The following GNB2 variants were observed in gnomAD, a reference collection of about 807,000 sequenced individuals.
GNB2 encodes the protein G protein subunit beta 2.
Under a neutral mutation model 40.7 loss-of-function variants are expected in GNB2, and 7 were observed. The ratio of observed to expected loss-of-function variants is 0.17; its 90% CI spans 0.10 to 0.32. GNB2 has a LOEUF of 0.32. Ranked by LOEUF, GNB2 falls within the 10% of genes least tolerant of loss-of-function variation. GNB2 has a pLI of 1.00. For synonymous variants in GNB2, 254 were observed against 191.2 expected (o/e 1.33, Z -2.71); for missense variants, 286 against 473.0 (o/e 0.60, Z 3.67).
chr7:100,673,815 GCGCCGCCGCCGCCGCCGCCGCCGC>G lies in GNB2; in HGVS notation c.-184_-161del, dbSNP rs374292503. ...CTGGGGCCACTGAGGAAATCCATCC[GCGCCGCCGCCGCCGCCGCCGCCGC>G]CGCCGCCGCCGCCTCCGCCGCGGAG... On this transcript the variant is annotated 5_prime_UTR_variant, in exon 1 of 10. Transcript: ENST00000303210. 77 of 178,344 alleles carry G rather than the reference GCGCCGCCGCCGCCGCCGCCGCCGC, an allele frequency of 4.3e-4. No individual in the cohort carries two copies. The highest frequency in any genetic ancestry group is 1.5e-3 in the African/African-American group (59 of 39,900). 11.0% of individuals were successfully genotyped at this position (178,344 alleles called of 1,614,324 possible). A position where few individuals can be genotyped will look rare whatever the true frequency, so the allele number is the denominator to read the frequency against.
chr7:100,678,137 T>C lies in GNB2; in HGVS notation c.537T>C (p.Gly179=), dbSNP rs1804399218. The change falls in exon 8 of 10, where the codon GGT becomes GGC. Residue 179 remains glycine, a synonymous_variant. Coordinates refer to ENST00000303210, the MANE Select transcript of GNB2 (RefSeq NM_005273.4). ...TTGAGACAGGCCAGCAGACAGTGGG[T>C]TTTGCTGGACACAGTGGGGATGTGA... ...WDIETGQQTV[G]FAGHSGDVMS... 1 of 1,613,692 alleles carries C rather than the reference T, an allele frequency of 6.2e-7. No homozygotes were observed. The highest frequency in any genetic ancestry group is 1.3e-5 in the African/African-American group (1 of 74,896).
chr7:100,677,695 G>A, intron 6 of GNB2, 35 bp downstream of exon 6: 1 of 1,613,144 alleles, frequency 6.2e-7, no homozygotes, highest in Middle Eastern at 1.6e-4. Context: ...CCCTTTTTGG[G>A]GTTGGGGGGT....
chr7:100,674,465 A>G lies in GNB2; in HGVS notation c.-90+542A>G, dbSNP rs115727249. On this transcript the variant is annotated intron_variant, in intron 1 of 9. Transcript: ENST00000303210. ...CCGAAACTGGAGCCCTCGGCGCCCT[A>G]TTCCCTTTACAGATCCTCACCCCAA... Among the ~76,000 whole-genome samples, 603 of 151,340 alleles carry G rather than the reference A, an allele frequency of 4.0e-3. 8 individuals are homozygous for G. Among genetic ancestry groups the G allele is most frequent in the African/African-American group, 0.014 (579 of 41,166 alleles).
In GNB2 at chr7:100,679,046, A is replaced by C; in HGVS notation, c.*245A>C. On this transcript the variant is annotated 3_prime_UTR_variant, in exon 10 of 10. Transcript: ENST00000303210. The stretch of plus-strand genomic sequence containing the variant: ...TCTGCTGCCCTGGGGTTGGGGCCTC[A>C]CCCCTCTGGAGGGCCGGAGGCAGGA... The C allele has an allele frequency of 4.0e-6, 2 of 501,242 alleles. No homozygotes were observed. Among genetic ancestry groups the C allele is most frequent in the South Asian group, 3.5e-5 (1 of 28,404 alleles). 31.0% of individuals were successfully genotyped at this position (501,242 alleles called of 1,614,324 possible).
chr7:100,678,687 C>A lies in GNB2; in HGVS notation c.917-8C>A, dbSNP rs371780069. The stretch of plus-strand genomic sequence containing the variant: ...CCCAATGGGTTCTGACTTCTCTCTT[C>A]TTCACAGGAGTCCTCGCTGGCCACG... On this transcript the variant is annotated splice_polypyrimidine_tract_variant and splice_region_variant and intron_variant, in intron 9 of 9. Transcript: ENST00000303210. The A allele has an allele frequency of 7.9e-5, 128 of 1,611,994 alleles. No homozygotes were observed. Among genetic ancestry groups the A allele is most frequent in the Non-Finnish European group, 1.1e-4 (124 of 1,178,922 alleles).
At chr7:100,676,400 TGGGGGAA>T in intron 2 of GNB2, 78 bp downstream of exon 2, 1 of 1,249,006 alleles carries the variant, frequency 8.0e-7, no homozygotes, top group South Asian at 1.2e-5. Flanking sequence ...AGGGTGTTGG[TGGGGGAA>T]GGGGGAGGGA....
intron 4 of GNB2, 198 bp downstream of exon 4, chr7:100,676,997 G>C (rs1804364407): frequency 6.7e-6 from 4 of 598,066 alleles, no homozygotes; most frequent in Middle Eastern, 4.4e-4. Context: ...GCTGGAGACT[G>C]TCTCTCAGGT....
In GNB2 at chr7:100,678,861, C is replaced by T; in HGVS notation, c.*60C>T. On this transcript the variant is annotated 3_prime_UTR_variant, in exon 10 of 10. Coordinates refer to ENST00000303210, the MANE Select transcript of GNB2 (RefSeq NM_005273.4). ...GCCCTGCCCATGCCCACACTACAGG[C>T]CAGGGCTGCGGGGCTGGCGCAATCC... 7.6e-7 allele frequency: 1 copy of T among 1,320,278 alleles called. No homozygotes were observed. The highest frequency in any genetic ancestry group is 2.3e-5 in the East Asian group (1 of 43,020). The allele number at this position is 1,320,278 out of a possible 1,614,324, so 81.8% of individuals were successfully genotyped here.
Position 100,678,711 on chromosome 7 carries a change from C to T in GNB2, c.933C>T (p.His311=), listed in dbSNP as rs755263504. The T allele has an allele frequency of 1.1e-5, 18 of 1,613,520 alleles. No individual in the cohort carries two copies. Among genetic ancestry groups the T allele is most frequent in the East Asian group, 6.7e-5 (3 of 44,886 alleles). The change falls in exon 10 of 10, where the codon CAC becomes CAT. Residue 311 remains histidine (H), a synonymous_variant. Coordinates refer to ENST00000303210, the MANE Select transcript of GNB2 (RefSeq NM_005273.4). ...TCTTCACAGGAGTCCTCGCTGGCCA[C>T]GACAACCGCGTGAGCTGCCTCGGGG... ...KGDRAGVLAG[H]DNRVSCLGVT... is the part of the protein sequence containing the mutation.
Position 100,676,519 on chromosome 7 carries a change from C to T in GNB2, c.58-16C>T. 2 of 1,605,138 alleles carry T rather than the reference C, an allele frequency of 1.2e-6. No individual in the cohort carries two copies. Among genetic ancestry groups the T allele is most frequent in the Non-Finnish European group, 1.7e-6 (2 of 1,171,854 alleles). On this transcript the variant is annotated splice_polypyrimidine_tract_variant and intron_variant, in intron 2 of 9. Coordinates refer to ENST00000303210, the MANE Select transcript of GNB2 (RefSeq NM_005273.4). ...TGTCTTCTCTCGCGTCTCTCTGGCTCTGCCATCCCTTACAGGATGCCCGAA... is the reference window on the plus strand; with the variant it reads ...TGTCTTCTCTCGCGTCTCTCTGGCTTTGCCATCCCTTACAGGATGCCCGAA...
In GNB2 at chr7:100,677,609, A is replaced by G; in HGVS notation, c.379A>G (p.Lys127Glu). The G allele has an allele frequency of 6.2e-7, 1 of 1,613,422 alleles. No individual in the cohort carries two copies. ...CAACATCTGCTCCATCTACAGCCTC[A>G]AGACCCGCGAGGGCAACGTCAGGGT... is the stretch of plus-strand genomic sequence containing the variant. The part of the protein sequence containing the change: ...LDNICSIYSL[K>E]TREGNVRVSR... Residue 127 changes from lysine to glutamate, a missense_variant, in exon 6 of 10, where the codon AAG becomes GAG. Coordinates refer to ENST00000303210, the MANE Select transcript of GNB2 (RefSeq NM_005273.4).
rs1449073143 is a variant in GNB2 at position 100,677,579 on chromosome 7, T to C, written c.349T>C (p.Leu117=). The change falls in exon 6 of 10, where the codon TTG becomes CTG. Residue 117 remains leucine (L), a synonymous_variant. Coordinates refer to ENST00000303210, the MANE Select transcript of GNB2 (RefSeq NM_005273.4). ...PSGNFVACGG[L]DNICSIYSLK... ...AGGGAACTTTGTGGCCTGTGGGGGG[T>C]TGGACAACATCTGCTCCATCTACAG... The C allele has an allele frequency of 3.1e-6, 5 of 1,613,006 alleles. No homozygotes were observed. Among genetic ancestry groups the C allele is most frequent in the South Asian group, 1.1e-5 (1 of 91,072 alleles).
At chr7:100,676,138 C>T (rs1804341428) in intron 1 of GNB2, 39 bp from the exon 2 acceptor site, 3 of 574,268 alleles carry the variant, frequency 5.2e-6, no homozygotes, top group South Asian at 2.2e-5. Context: ...CCCACTTCCC[C>T]GGCGGCCTCG....
In GNB2 at chr7:100,678,445, G is replaced by A. The variant is rs201168795; in HGVS notation, c.747G>A (p.Thr249=). ...YAFTTGSDDA[T]CRLFDLRADQ... Reference sequence around the variant, plus strand: ...TCACCACCGGCTCTGACGACGCCACGTGCCGCCTCTTCGACCTGCGGGCCG... The same window carrying A: ...TCACCACCGGCTCTGACGACGCCACATGCCGCCTCTTCGACCTGCGGGCCG... Residue 249 remains threonine, a synonymous_variant, in exon 9 of 10, where the codon ACG becomes ACA. Transcript: ENST00000303210. 9 of 1,613,702 alleles carry A rather than the reference G, an allele frequency of 5.6e-6. No homozygotes were observed. Among genetic ancestry groups the A allele is most frequent in the Non-Finnish European group, 6.8e-6 (8 of 1,180,008 alleles).
intron 7 of GNB2, 125 bp from the exon 8 acceptor site, chr7:100,677,973 A>G: frequency 9.9e-7 from 1 of 1,012,434 alleles, no homozygotes. Flanking sequence ...TCCCCACCTA[A>G]GGCTCTGAGA....
At position 100,678,634 on chromosome 7, in the gene GNB2, C is replaced by T. The variant is rs756013914; in HGVS notation, c.916+20C>T. On this transcript the variant is annotated intron_variant, in intron 9 of 9. Coordinates refer to ENST00000303210, the MANE Select transcript of GNB2 (RefSeq NM_005273.4). Reference sequence around the variant, plus strand: ...GTGCAGGTGACAGCTGGGGCCCAGGCTGGGTGGGCAGGGACCTGGAGCCCA... The same window carrying T: ...GTGCAGGTGACAGCTGGGGCCCAGGTTGGGTGGGCAGGGACCTGGAGCCCA... The T allele has an allele frequency of 1.2e-6, 2 of 1,609,634 alleles. No individual in the cohort carries two copies. Among genetic ancestry groups the T allele is most frequent in the South Asian group, 2.2e-5 (2 of 90,992 alleles).
At chr7:100,675,421 C>G (rs889531402) in intron 1 of GNB2, 5 of 151,984 alleles carry the variant, frequency 3.3e-5, no homozygotes, top group African/African-American at 1.2e-4. Flanking sequence ...TGGGGCGCAG[C>G]CGGACCGGGG....
intron 3 of GNB2, 45 bp downstream of exon 3, chr7:100,676,618 C>A: frequency 6.4e-7 from 1 of 1,574,436 alleles, no homozygotes; most frequent in Non-Finnish European, 8.7e-7. Flanking sequence ...GTTGAAGGGG[C>A]AAGGATCAGA....
At chr7:100,675,969 G>A in intron 1 of GNB2, 1 of 414,760 alleles carries the variant, frequency 2.4e-6, no homozygotes, top group Non-Finnish European at 4.3e-6. Context: ...TTCCCGCTCC[G>A]TTTCCGGGGG....
Sources: gnomAD v4.1 joint callset for allele counts (sites outside exome capture counted in the v4.1 genomes callset) on GRCh38, gnomAD v4.1.1 for gene constraint, MANE v1.5 for transcripts, NCBI Gene and HGNC (gene_info 2026-07-23, HGNC 2026-07-21) for gene names.